EBF1: variants seen among roughly 807,000 people sequenced by gnomAD.
EBF1 encodes transcription factor COE1.
Under a neutral mutation model 68.4 loss-of-function variants are expected in EBF1, and 10 were observed. The ratio of observed to expected loss-of-function variants is 0.15; its 90% confidence interval spans 0.09 to 0.25. The LOEUF (loss-of-function observed/expected upper bound fraction) is 0.25, where lower values mean the gene tolerates loss of function less well. EBF1 is among the 10% of genes least tolerant of loss of function. The pLI is 1.00. For missense variants in EBF1, 509 were observed against 794.4 expected, an observed-to-expected ratio of 0.64 and a Z score of 4.32; for synonymous variants, 298 against 299.8, an observed-to-expected ratio of 0.99 and a Z score of 0.06.
At chr5:158,882,207 G>A (rs547638011) in intron 6 of EBF1, among the ~76,000 whole-genome samples, 1 of 152,218 alleles carries the variant, frequency 6.6e-6, no homozygotes, top group African/African-American at 2.4e-5. Flanking sequence ...ACCCCATAAG[G>A]AAGTTAACAT....
At chr5:158,921,459 G>A (rs1317855114) in intron 6 of EBF1, among the ~76,000 whole-genome samples, 1 of 152,088 alleles carries the variant, frequency 6.6e-6, no homozygotes, top group Non-Finnish European at 1.5e-5. Context: ...GTTTTTAATT[G>A]GGCTATTTTG....
intron 10 of EBF1, among the ~76,000 whole-genome samples, chr5:158,747,127 G>C (rs1207971732): frequency 6.6e-6 from 1 of 152,066 alleles, no homozygotes; most frequent in African/African-American, 2.4e-5. Flanking sequence ...ACACAACCAG[G>C]CTTGGAAAGC....
intron 11 of EBF1, among the ~76,000 whole-genome samples, chr5:158,723,371 T>C (rs1402742195): frequency 6.6e-6 from 1 of 152,198 alleles, no homozygotes; most frequent in African/African-American, 2.4e-5. Context: ...CTCAAATCCA[T>C]GTTCTGCGAT....
chr5:158,962,047 G>A (rs1280319056), intron 6 of EBF1, among the ~76,000 whole-genome samples: 1 of 152,114 alleles, frequency 6.6e-6, no homozygotes, highest in Non-Finnish European at 1.5e-5. Flanking sequence ...CCATACAAAC[G>A]CTGAAGGTTA....
intron 6 of EBF1, among the ~76,000 whole-genome samples, chr5:158,895,945 G>A (rs887915159): frequency 8.5e-5 from 13 of 152,176 alleles, no homozygotes; most frequent in African/African-American, 3.1e-4. Flanking sequence ...CACAAAGAGA[G>A]AGGCAAAGAA....
intron 6 of EBF1, among the ~76,000 whole-genome samples, chr5:158,898,159 C>T: frequency 6.6e-6 from 1 of 152,124 alleles, no homozygotes; most frequent in Non-Finnish European, 1.5e-5. Flanking sequence ...AAAAGCAGCA[C>T]TGTTATTATA....
intron 6 of EBF1, among the ~76,000 whole-genome samples, chr5:158,896,211 C>T (rs1352298969): frequency 3.9e-5 from 6 of 152,162 alleles, no homozygotes; most frequent in Admixed American, 1.3e-4. Context: ...CGGTACCATT[C>T]GATGTGGAGA....
intron 6 of EBF1, among the ~76,000 whole-genome samples, chr5:158,982,382 A>G (rs986002640): frequency 2.0e-5 from 3 of 152,344 alleles, no homozygotes; most frequent in South Asian, 4.1e-4. Context: ...GGCATACTTC[A>G]CACTCAAGTT....
intron 6 of EBF1, among the ~76,000 whole-genome samples, chr5:158,859,962 GT>G: frequency 6.6e-6 from 1 of 152,272 alleles, no homozygotes; most frequent in African/African-American, 2.4e-5. Flanking sequence ...CCTCCACAAT[GT>G]TTAGTAGAAT....
At chr5:158,825,706 A>G (rs1260272894) in intron 7 of EBF1, among the ~76,000 whole-genome samples, 1 of 152,164 alleles carries the variant, frequency 6.6e-6, no homozygotes, top group Non-Finnish European at 1.5e-5. Flanking sequence ...GTGTGATAGA[A>G]TCATTTGGCT....
At position 159,073,425 on chromosome 5, in the gene EBF1, C is replaced by T. The variant is rs1309220227; in HGVS notation, c.525G>A (p.Glu175=). 1 of 1,614,088 alleles carries T rather than the reference C, an allele frequency of 6.2e-7. No individual in the cohort carries two copies. Among genetic ancestry groups the T allele is most frequent in the African/African-American group, 1.3e-5 (1 of 75,042 alleles). The part of the protein sequence containing the change: ...CDKKSCGNRN[E]TPSDPVIIDR... ...CAATTATCACTGGATCTGAGGGAGT[C>T]TCATTTCGGTTGCCACAGCTTTTCT... The change falls in exon 6 of 16, where the codon GAG becomes GAA. Residue 175 remains glutamate, a synonymous_variant. Coordinates refer to ENST00000313708, the MANE Select transcript of EBF1 (RefSeq NM_024007.5).
intron 6 of EBF1, among the ~76,000 whole-genome samples, chr5:158,858,784 G>A (rs1042680652): frequency 5.9e-5 from 9 of 152,200 alleles, no homozygotes; most frequent in African/African-American, 2.4e-5. Context: ...GAAGATGGGG[G>A]CTCAGAGGAA....
rs397883009 is a variant in EBF1 at position 158,956,754 on chromosome 5, C to CTTTTT, written c.554+116637_554+116641dup. 3.5e-4 allele frequency among the ~76,000 whole-genome samples: 40 copies of CTTTTT among 112,832 alleles called. 1 individual carries two copies. Among genetic ancestry groups the CTTTTT allele is most frequent in the African/African-American group, 5.1e-4 (14 of 27,228 alleles). 74.0% of individuals were successfully genotyped at this position (112,832 alleles called of 152,430 possible). On this transcript the variant is annotated intron_variant, in intron 6 of 15. Transcript: ENST00000313708. ...CCCACTACCTCTGCCACCAACACTTCTTTTTTTTTTTTTTTTTTTTTTGAG... is the reference window on the plus strand; with the variant it reads ...CCCACTACCTCTGCCACCAACACTTCTTTTTTTTTTTTTTTTTTTTTTTTTTTGAG...
At chr5:158,788,163 AT>A (rs1346368788) in intron 9 of EBF1, among the ~76,000 whole-genome samples, 2 of 152,216 alleles carry the variant, frequency 1.3e-5, no homozygotes, top group Non-Finnish European at 2.9e-5. Context: ...GGAAGAGGGA[AT>A]GCCCTTAAAT....
intron 10 of EBF1, among the ~76,000 whole-genome samples, chr5:158,741,575 T>TA (rs79547768): frequency 0.062 from 8,034 of 129,128 alleles, 318 homozygotes; most frequent in Admixed American, 0.15. Flanking sequence ...ACCCTGTCTT[T>TA]AAAAAAAAAA....
intron 8 of EBF1, among the ~76,000 whole-genome samples, chr5:158,821,324 C>T (rs534019287): frequency 2.4e-4 from 37 of 152,156 alleles, no homozygotes; most frequent in Non-Finnish European, 4.6e-4. Flanking sequence ...TGCAAAATAA[C>T]GTTACTGATC....
chr5:158,720,876 C>T (rs1398405072), intron 11 of EBF1, among the ~76,000 whole-genome samples: 3 of 152,186 alleles, frequency 2.0e-5, no homozygotes, highest in African/African-American at 4.8e-5. Flanking sequence ...TTATATTTTA[C>T]AACCCCACAT....
At chr5:158,909,333 C>CTGGTT (rs979089466) in intron 6 of EBF1, among the ~76,000 whole-genome samples, 4 of 151,984 alleles carry the variant, frequency 2.6e-5, no homozygotes, top group South Asian at 2.1e-4. Context: ...TTCTGTTTGG[C>CTGGTT]TGGTTTGGTT....
intron 6 of EBF1, among the ~76,000 whole-genome samples, chr5:158,948,788 G>A (rs572227431): frequency 1.3e-5 from 2 of 152,294 alleles, no homozygotes; most frequent in South Asian, 4.2e-4. Flanking sequence ...CCGAGCTCTC[G>A]ATGGTTATCG....
Sources: gnomAD v4.1 joint callset for allele counts (sites outside exome capture counted in the v4.1 genomes callset) on GRCh38, gnomAD v4.1.1 for gene constraint, MANE v1.5 for transcripts, NCBI Gene and HGNC (gene_info 2026-07-23, HGNC 2026-07-21) for gene names.